TMEM131: variants seen among roughly 807,000 people sequenced by gnomAD.
The protein encoded by TMEM131 is transmembrane protein 131.
TMEM131 carries 66 observed loss-of-function variants against 211.6 expected under a neutral mutation model. The ratio of observed to expected loss-of-function variants is 0.31; its 90% confidence interval spans 0.26 to 0.38. TMEM131 has a LOEUF of 0.38. Among genes scored for constraint, TMEM131 ranks in the 10% least tolerant of loss-of-function variants. The probability of loss-of-function intolerance (pLI) is 1.00; values close to 1 mark genes in which losing one functional copy is unlikely to be tolerated. For synonymous variants in TMEM131, 844 were observed against 841.3 expected (o/e 1.00, Z -0.06); for missense variants, 2,036 against 2,299.3 (o/e 0.89, Z 2.34).
intron 1 of TMEM131, among the ~76,000 whole-genome samples, chr2:97,986,574 C>T (rs760726129): frequency 3.9e-5 from 6 of 152,158 alleles, no homozygotes; most frequent in Admixed American, 2.0e-4. Flanking sequence ...TTCTCAGTAA[C>T]CTATTTTCAT....
At chr2:97,901,936 TAGAAG>T (rs1675869783) in intron 3 of TMEM131, among the ~76,000 whole-genome samples, 2 of 152,140 alleles carry the variant, frequency 1.3e-5, no homozygotes, top group Non-Finnish European at 2.9e-5. Flanking sequence ...TCAAAGTCAC[TAGAAG>T]AGAAGATTGG....
At position 97,834,891 on chromosome 2, in the gene TMEM131, C is replaced by T; in HGVS notation, c.839G>A (p.Arg280Lys). ...IPPYETKGVMRASFSSREADN... is the reference protein window; with the variant it reads ...IPPYETKGVMKASFSSREADN... ...TGCTTCTCTAGATGAAAAACTGGCT[C>T]TCATCACTCCCTTGGTTTCATAAGG... Residue 280 changes from arginine (R) to lysine (K), a missense_variant, in exon 9 of 41, where the codon AGA (arginine) becomes AAA (lysine). Around this residue, in one of 3 missense-constraint regions of TMEM131, gnomAD observed 277 missense variants for 378.0 expected, o/e 0.73. Coordinates refer to ENST00000186436, the MANE Select transcript of TMEM131 (RefSeq NM_015348.2). 2 of 1,613,760 alleles carry T rather than the reference C, an allele frequency of 1.2e-6. No individual in the cohort carries two copies. The highest frequency in any genetic ancestry group is 1.7e-6 in the Non-Finnish European group (2 of 1,179,788).
intron 1 of TMEM131, among the ~76,000 whole-genome samples, chr2:97,973,693 A>G (rs1451831846): frequency 2.0e-5 from 3 of 152,208 alleles, no homozygotes; most frequent in Non-Finnish European, 4.4e-5. Context: ...AATGCCCACC[A>G]TTCAAACAGG....
At chr2:97,872,401 G>A (rs148931465) in intron 4 of TMEM131, among the ~76,000 whole-genome samples, 307 of 152,168 alleles carry the variant, frequency 2.0e-3, no homozygotes, top group Non-Finnish European at 3.1e-3. Flanking sequence ...TTCTCTCTCG[G>A]AGCTAGTGAG....
At chr2:97,829,062 A>G (rs1307416094) in intron 11 of TMEM131, among the ~76,000 whole-genome samples, 1 of 152,178 alleles carries the variant, frequency 6.6e-6, no homozygotes, top group Non-Finnish European at 1.5e-5. Flanking sequence ...TCCCCTCTGG[A>G]GGACACTACC....
intron 29 of TMEM131, 142 bp from the exon 30 acceptor site, chr2:97,793,695 G>C: frequency 1.2e-6 from 1 of 860,162 alleles, no homozygotes; most frequent in Non-Finnish European, 1.7e-6. Context: ...ACTTTTAACA[G>C]ACAAAACCCA....
intron 11 of TMEM131, among the ~76,000 whole-genome samples, chr2:97,823,351 A>T (rs553842229): frequency 4.6e-5 from 7 of 152,180 alleles, no homozygotes; most frequent in Non-Finnish European, 1.0e-4. Flanking sequence ...TTTAAAGCAG[A>T]TCAAGGCAGA....
chr2:97,941,206 A>G (rs1677710104), intron 1 of TMEM131, among the ~76,000 whole-genome samples: 1 of 152,216 alleles, frequency 6.6e-6, no homozygotes, highest in East Asian at 1.9e-4. Context: ...CAAACCTGAC[A>G]AAAACAAGAA....
Position 97,812,723 on chromosome 2 carries a change from C to T in TMEM131, c.1644G>A (p.Glu548=), listed in dbSNP as rs752279081. The change falls in exon 16 of 41, where the codon GAG becomes GAA. Residue 548 remains glutamate, a synonymous_variant. Transcript: ENST00000186436. The part of the protein sequence containing the change: ...LDYFVLPPKI[E]ERFIDFGVLS... Reference sequence around the variant, plus strand: ...GTACTCCAAAATCTATGAAACGTTCCTCTATTTTGGGGGGCAATACAAAGT... The same window carrying T: ...GTACTCCAAAATCTATGAAACGTTCTTCTATTTTGGGGGGCAATACAAAGT... 3.8e-6 allele frequency: 6 copies of T among 1,588,936 alleles called. No individual in the cohort carries two copies. The highest frequency in any genetic ancestry group is 5.1e-6 in the Non-Finnish European group (6 of 1,172,440).
intron 1 of TMEM131, among the ~76,000 whole-genome samples, chr2:97,960,613 G>A (rs1678773050): frequency 1.3e-5 from 2 of 152,052 alleles, no homozygotes; most frequent in South Asian, 2.1e-4. Context: ...ATGCTAAAAC[G>A]GCTTAAAAGA....
intron 11 of TMEM131, among the ~76,000 whole-genome samples, chr2:97,833,123 A>G (rs1478923326): frequency 6.6e-6 from 1 of 152,216 alleles, no homozygotes; most frequent in African/African-American, 2.4e-5. Context: ...CTGTGCCTGT[A>G]TAAGAAACTC....
intron 3 of TMEM131, among the ~76,000 whole-genome samples, chr2:97,907,943 G>A (rs1020844412): frequency 6.6e-6 from 1 of 152,108 alleles, no homozygotes; most frequent in Non-Finnish European, 1.5e-5. Flanking sequence ...ATGGTCCTCC[G>A]GGGAGCAATC....
intron 2 of TMEM131, among the ~76,000 whole-genome samples, chr2:97,926,302 A>T (rs1676989628): frequency 6.6e-6 from 1 of 152,192 alleles, no homozygotes; most frequent in Admixed American, 6.5e-5. Flanking sequence ...TAGAAATGCT[A>T]CATGTACATT....
chr2:97,923,045 T>C (rs1676812245), intron 2 of TMEM131, among the ~76,000 whole-genome samples: 1 of 152,208 alleles, frequency 6.6e-6, no homozygotes, highest in Admixed American at 6.5e-5. Context: ...TCCCAGCATT[T>C]TGGGAGGCCA....
At chr2:97,768,482 A>G (rs1679299630) in intron 33 of TMEM131, among the ~76,000 whole-genome samples, 1 of 152,144 alleles carries the variant, frequency 6.6e-6, no homozygotes, top group Admixed American at 6.5e-5. Context: ...GTGCCAGACA[A>G]CTCCTGTTAT....
chr2:97,839,851 A>G (rs1323851518), intron 7 of TMEM131, among the ~76,000 whole-genome samples: 1 of 152,258 alleles, frequency 6.6e-6, no homozygotes, highest in Non-Finnish European at 1.5e-5. Flanking sequence ...CAGGAAAGGA[A>G]CTATTCCATC....
chr2:97,848,689 T>C (rs962870933), intron 5 of TMEM131, among the ~76,000 whole-genome samples: 30 of 152,028 alleles, frequency 2.0e-4, no homozygotes, highest in African/African-American at 6.8e-4. Flanking sequence ...AGCTCATGGA[T>C]ACACAGGGCC....
At chr2:97,993,100 G>C (rs1680334501) in intron 1 of TMEM131, among the ~76,000 whole-genome samples, 1 of 152,190 alleles carries the variant, frequency 6.6e-6, no homozygotes, top group African/African-American at 2.4e-5. Flanking sequence ...TTCTTCAGGA[G>C]ACAATGAGTT....
At chr2:97,901,783 T>C (rs1675863012) in intron 3 of TMEM131, among the ~76,000 whole-genome samples, 1 of 151,992 alleles carries the variant, frequency 6.6e-6, no homozygotes, top group Non-Finnish European at 1.5e-5. Flanking sequence ...CTGGGAAGCA[T>C]TTGCTTTTTG....
Sources: allele counts gnomAD v4.1 joint callset (sites outside exome capture counted in the v4.1 genomes callset), GRCh38; gene constraint gnomAD v4.1.1; regional missense constraint gnomAD v4.1.1; transcripts MANE v1.5; gene names NCBI Gene and HGNC (gene_info 2026-07-23, HGNC 2026-07-21).